Variants in PHF24 observed in about 807,000 individuals in gnomAD.
PHF24 encodes the protein PHD finger protein 24.
Under a neutral mutation model 42.6 loss-of-function variants are expected in PHF24, and 25 were observed. The ratio of observed to expected loss-of-function variants is 0.59; its 90% CI spans 0.43 to 0.82. PHF24 has a LOEUF of 0.82. Among genes scored for constraint, PHF24 ranks in the 40% least tolerant of loss-of-function variants. The pLI is 0.00. For missense variants in PHF24, 470 were observed against 538.1 expected, an observed-to-expected ratio of 0.87 and a Z score of 1.25; for synonymous variants, 185 against 204.8, an observed-to-expected ratio of 0.90 and a Z score of 0.83.
the PHF24 span, among the ~76,000 whole-genome samples, chr9:34,891,320 A>G: frequency 0.47 from 72,058 of 152,108 alleles, 18,045 homozygotes; most frequent in Non-Finnish European, 0.56. Flanking sequence ...CTGCAGAACC[A>G]GTGATTTGTA....
the PHF24 span, among the ~76,000 whole-genome samples, chr9:34,930,914 C>T: frequency 6.6e-6 from 1 of 152,134 alleles, no homozygotes; most frequent in Non-Finnish European, 1.5e-5. Context: ...GCCCAAATCT[C>T]ATGTCGAATT....
the PHF24 span, among the ~76,000 whole-genome samples, chr9:34,813,052 C>T: frequency 6.6e-6 from 1 of 152,336 alleles, no homozygotes; most frequent in African/African-American, 2.4e-5. Flanking sequence ...AGATACTTTA[C>T]AGTTAACATG....
At chr9:34,694,416 C>T in the PHF24 span, among the ~76,000 whole-genome samples, 16 of 151,882 alleles carry the variant, frequency 1.1e-4, no homozygotes, top group South Asian at 2.1e-4. Context: ...CTGCAACCTC[C>T]GCCTCCTGGG....
chr9:34,709,150 G>GCTC, the PHF24 span: 1 of 581,730 alleles, frequency 1.7e-6, no homozygotes, highest in South Asian at 2.3e-5. Flanking sequence ...CTCCTCTCAT[G>GCTC]CTCCCTGGGA....
chr9:34,834,818 G>A, the PHF24 span: 23 of 1,540,536 alleles, frequency 1.5e-5, no homozygotes, highest in East Asian at 7.3e-5. Flanking sequence ...CCAATTTGGC[G>A]AAAGTGGGGA....
chr9:34,853,482 G>A, the PHF24 span, among the ~76,000 whole-genome samples: 1 of 152,118 alleles, frequency 6.6e-6, no homozygotes, highest in African/African-American at 2.4e-5. Context: ...CTCATAAAAC[G>A]AGTTAGGGAG....
the PHF24 span, among the ~76,000 whole-genome samples, chr9:34,828,911 T>TTATCTATATCTATATCTATATATCTA: frequency 2.1e-5 from 3 of 143,464 alleles, no homozygotes; most frequent in South Asian, 7.0e-4. Flanking sequence ...TTGCATGGTT[T>TTATCTATATCTATATCTATATATCTA]TATCTATATC....
chr9:34,898,905 C>T, the PHF24 span, among the ~76,000 whole-genome samples: 1 of 152,210 alleles, frequency 6.6e-6, no homozygotes, highest in Admixed American at 6.5e-5. Flanking sequence ...AACTCCACTC[C>T]AGCAATTCGC....
the PHF24 span, among the ~76,000 whole-genome samples, chr9:34,925,615 A>C: frequency 6.6e-6 from 1 of 151,944 alleles, no homozygotes; most frequent in Admixed American, 6.6e-5. Context: ...TTTTAGCTCT[A>C]GGATTTCTGT....
At chr9:34,721,263 T>A in the PHF24 span, among the ~76,000 whole-genome samples, 4 of 152,228 alleles carry the variant, frequency 2.6e-5, no homozygotes, top group African/African-American at 9.6e-5. Flanking sequence ...TCCATTAACA[T>A]CCACCATGCT....
the PHF24 span, chr9:34,837,673 A>G: frequency 2.0e-6 from 3 of 1,523,174 alleles, no homozygotes; most frequent in Non-Finnish European, 2.7e-6. Flanking sequence ...CTGCATCTCT[A>G]GCTCTTTGCC....
chr9:34,902,908 C>T, the PHF24 span, among the ~76,000 whole-genome samples: 2 of 152,048 alleles, frequency 1.3e-5, no homozygotes, highest in East Asian at 1.9e-4. Context: ...CCATCTCTGG[C>T]GATGAGCTAA....
At chr9:34,709,790 T>C in the PHF24 span, 1 of 1,614,124 alleles carries the variant, frequency 6.2e-7, no homozygotes, top group Admixed American at 1.7e-5. Flanking sequence ...ATAGCTGGGA[T>C]GGAGCAGCCT....
the PHF24 span, among the ~76,000 whole-genome samples, chr9:34,668,451 A>G: frequency 2.0e-5 from 3 of 152,214 alleles, no homozygotes; most frequent in Non-Finnish European, 4.4e-5. Context: ...AGGAATACAC[A>G]CAATGCACAG....
At chr9:34,792,198 A>T in the PHF24 span, among the ~76,000 whole-genome samples, 1 of 152,176 alleles carries the variant, frequency 6.6e-6, no homozygotes, top group Non-Finnish European at 1.5e-5. Context: ...AACATCTTGG[A>T]AGTACAGTGG....
chr9:34,753,555 T>C, the PHF24 span, among the ~76,000 whole-genome samples: 6 of 152,118 alleles, frequency 3.9e-5, no homozygotes, highest in African/African-American at 1.4e-4. Context: ...TGTTAAAATG[T>C]CTATACTACC....
At chr9:34,817,902 A>G in the PHF24 span, among the ~76,000 whole-genome samples, 1 of 152,182 alleles carries the variant, frequency 6.6e-6, no homozygotes, top group Non-Finnish European at 1.5e-5. Context: ...TATTTCTGAA[A>G]TCTCTATTCT....
At chr9:34,834,477 G>A in the PHF24 span, 1 of 1,551,866 alleles carries the variant, frequency 6.4e-7, no homozygotes, top group Middle Eastern at 1.7e-4. Flanking sequence ...TGGATCTTCT[G>A]AGGCAGGCCC....
chr9:34,839,250 A>T, the PHF24 span, among the ~76,000 whole-genome samples: 1 of 152,220 alleles, frequency 6.6e-6, no homozygotes, highest in South Asian at 2.1e-4. Context: ...GTTCAGGGAG[A>T]TGAATGCCTG....
Sources: gnomAD v4.1 joint callset for allele counts (sites outside exome capture counted in the v4.1 genomes callset) on GRCh38, gnomAD v4.1.1 for gene constraint, MANE v1.5 for transcripts, NCBI Gene and HGNC (gene_info 2026-07-23, HGNC 2026-07-21) for gene names.